The following KCNN3 variants were observed in gnomAD, a reference collection of about 807,000 sequenced individuals.
KCNN3 encodes the protein small conductance calcium-activated potassium channel protein 3.
A neutral mutation model predicts 62.9 loss-of-function variants in KCNN3; 16 were observed. That is an observed-to-expected ratio of 0.25 (90% CI 0.17 to 0.39). The LOEUF (loss-of-function observed/expected upper bound fraction) is 0.39, where lower values mean the gene tolerates loss of function less well. Among genes scored for constraint, KCNN3 ranks in the 10% least tolerant of loss-of-function variants. The probability of loss-of-function intolerance (pLI) is 1.00; values close to 1 mark genes in which losing one functional copy is unlikely to be tolerated. For synonymous variants in KCNN3, 370 were observed against 389.2 expected (o/e 0.95, Z 0.58); for missense variants, 599 against 949.4 (o/e 0.63, Z 4.85).
rs886979222 is a variant in KCNN3 at position 154,760,873 on chromosome 1, C to G, written c.1448+11102G>C. On this transcript the variant is annotated intron_variant, in intron 3 of 7. Transcript: ENST00000271915. ...GCGCGCCCGCGAAGAAGCACTCCGG[C>G]CCCGCAAAGGCGCCCCGCGGCCCTG... Among the ~76,000 whole-genome samples the G allele has an allele frequency of 1.1e-4, 16 of 152,256 alleles. No individual in the cohort carries two copies. In the South Asian group the frequency reaches 1.2e-3, roughly 12 times the overall value.
chr1:154,793,928 C>G (rs1007212628), intron 2 of KCNN3, among the ~76,000 whole-genome samples: 1 of 152,178 alleles, frequency 6.6e-6, no homozygotes, highest in African/African-American at 2.4e-5. Context: ...TCCTTTCCCC[C>G]ATGCATGCCT....
At chr1:154,861,455 A>G (rs1194348646) in intron 1 of KCNN3, among the ~76,000 whole-genome samples, 2 of 151,860 alleles carry the variant, frequency 1.3e-5, no homozygotes, top group Non-Finnish European at 1.5e-5. Context: ...TTTCCTCCCT[A>G]CATGCCCCTG....
chr1:154,808,202 T>C (rs925184503), intron 2 of KCNN3, among the ~76,000 whole-genome samples: 8 of 152,218 alleles, frequency 5.3e-5, no homozygotes, highest in Non-Finnish European at 1.2e-4. Flanking sequence ...ACTACCATTT[T>C]AGACCTGGGT....
At chr1:154,714,265 G>T (rs796806578) in intron 6 of KCNN3, among the ~76,000 whole-genome samples, 1 of 58,482 alleles carries the variant, frequency 1.7e-5, no homozygotes, top group Non-Finnish European at 3.4e-5. Context: ...TGTGATGTGT[G>T]GTATGTGGTG....
intron 1 of KCNN3, among the ~76,000 whole-genome samples, chr1:154,828,489 G>T (rs1025125233): frequency 2.6e-5 from 4 of 152,174 alleles, no homozygotes; most frequent in East Asian, 3.9e-4. Context: ...GTCATGGGGG[G>T]GCTAACGAAG....
chr1:154,708,178 T>A lies in KCNN3; in HGVS notation c.1994A>T (p.His665Leu). 1.2e-6 allele frequency: 2 copies of A among 1,613,678 alleles called. No homozygotes were observed. The highest frequency in any genetic ancestry group is 8.5e-7 in the Non-Finnish European group (1 of 1,179,924). The change falls in exon 8 of 8, where the codon CAT becomes CTT. Residue 665 changes from histidine (H) to leucine (L), a missense_variant. This residue lies in a region of KCNN3 where 288 missense variants were observed against 557.4 expected (regional missense o/e 0.52). Transcript: ENST00000271915. The stretch of plus-strand genomic sequence containing the variant: ...CAGGGAGTTGAAGCTGGCGGTGAGA[T>A]GCTCCAGCTTCGACTCCAGGCTGCC... ...QIGSLESKLEHLTASFNSLPL... is the reference protein window; with the variant it reads ...QIGSLESKLELLTASFNSLPL...
intron 3 of KCNN3, among the ~76,000 whole-genome samples, chr1:154,755,558 GA>G (rs1571242176): frequency 8.8e-6 from 1 of 113,626 alleles, no homozygotes; most frequent in South Asian, 3.4e-4. Context: ...AAGGAAGAAA[GA>G]AAGAAAGAGA....
intron 3 of KCNN3, among the ~76,000 whole-genome samples, chr1:154,766,021 CT>C (rs1648253924): frequency 6.6e-6 from 1 of 151,996 alleles, no homozygotes; most frequent in South Asian, 2.1e-4. Context: ...GATTATTTTC[CT>C]CTTCCTTAAT....
intron 3 of KCNN3, among the ~76,000 whole-genome samples, chr1:154,734,101 C>T (rs1022681659): frequency 2.0e-5 from 3 of 152,278 alleles, no homozygotes; most frequent in Admixed American, 6.5e-5. Flanking sequence ...CCCAGAGGAA[C>T]GGGTGCTCTG....
At chr1:154,812,251 T>C (rs771724139) in intron 2 of KCNN3, among the ~76,000 whole-genome samples, 1 of 152,184 alleles carries the variant, frequency 6.6e-6, no homozygotes, top group African/African-American at 2.4e-5. Flanking sequence ...AGAAACAGAA[T>C]ATTCTTTTTT....
intron 3 of KCNN3, among the ~76,000 whole-genome samples, chr1:154,764,097 C>A (rs548434796): frequency 1.3e-5 from 2 of 152,274 alleles, no homozygotes; most frequent in South Asian, 4.1e-4. Flanking sequence ...GTTCTAGGTA[C>A]TTCTTTTGTA....
intron 2 of KCNN3, among the ~76,000 whole-genome samples, chr1:154,806,785 A>C (rs1183410858): frequency 1.3e-5 from 2 of 152,138 alleles, no homozygotes; most frequent in Admixed American, 6.5e-5. Flanking sequence ...AATAAATCTT[A>C]TGTCAGCTCA....
chr1:154,737,036 C>T lies in KCNN3; in HGVS notation c.1449-3892G>A, dbSNP rs891929187. 3 of 702,110 alleles carry T rather than the reference C, an allele frequency of 4.3e-6. No individual in the cohort carries two copies. In the East Asian group the frequency reaches 8.1e-5, roughly 19 times the overall value. The allele number at this position is 702,110 out of a possible 1,614,324, so 43.5% of individuals were successfully genotyped here. A position where few individuals can be genotyped will look rare whatever the true frequency, so the allele number is the denominator to read the frequency against. On this transcript the variant is annotated intron_variant, in intron 3 of 7. Transcript: ENST00000271915. ...TCGTCATGGAGATAAGACATACATGCAACTCACCAAGCAGGAAGTGATGAG... is the reference window on the plus strand; with the variant it reads ...TCGTCATGGAGATAAGACATACATGTAACTCACCAAGCAGGAAGTGATGAG...
chr1:154,757,880 G>C lies in KCNN3; in HGVS notation c.1448+14095C>G, dbSNP rs566395342. Among the ~76,000 whole-genome samples the C allele has an allele frequency of 9.9e-5, 15 of 152,276 alleles. No homozygotes were observed. In the East Asian group the frequency reaches 2.9e-3, roughly 29 times the overall value. ...TCAGTAGAAAAAGAAATACCTGGCT[G>C]CTTCACTGGGTACTCACCGTGTGCT... is the stretch of plus-strand genomic sequence containing the variant. On this transcript the variant is annotated intron_variant, in intron 3 of 7. Coordinates refer to ENST00000271915, the MANE Select transcript of KCNN3 (RefSeq NM_002249.6).
At chr1:154,735,292 T>C (rs1700687750) in intron 3 of KCNN3, among the ~76,000 whole-genome samples, 1 of 152,174 alleles carries the variant, frequency 6.6e-6, no homozygotes, top group South Asian at 2.1e-4. Context: ...AGCACATCAA[T>C]GGTGGGCTCT....
Position 154,808,024 on chromosome 1 carries a change from G to A in KCNN3, c.1029+14065C>T, listed in dbSNP as rs555943399. On this transcript the variant is annotated intron_variant, in intron 2 of 7. Coordinates refer to ENST00000271915, the MANE Select transcript of KCNN3 (RefSeq NM_002249.6). ...TCAACCTGTACCATAATCTACACCCGTCTCCCATCCCCATTCTTACCTCTC... is the reference window on the plus strand; with the variant it reads ...TCAACCTGTACCATAATCTACACCCATCTCCCATCCCCATTCTTACCTCTC... 5.8e-4 allele frequency among the ~76,000 whole-genome samples: 88 copies of A among 152,156 alleles called. 1 individual carries two copies. The highest frequency in any genetic ancestry group is 1.9e-3 in the Admixed American group (29 of 15,298).
intron 1 of KCNN3, among the ~76,000 whole-genome samples, chr1:154,851,066 CT>C (rs1652280523): frequency 6.6e-6 from 1 of 152,166 alleles, no homozygotes; most frequent in Non-Finnish European, 1.5e-5. Context: ...CAACCTCCGC[CT>C]TCCCGGGTTC....
intron 2 of KCNN3, among the ~76,000 whole-genome samples, chr1:154,780,521 C>A (rs898422566): frequency 1.1e-4 from 17 of 148,600 alleles, no homozygotes; most frequent in African/African-American, 4.2e-4. Flanking sequence ...TTTAAAAAAA[C>A]GACACAGAAA....
At chr1:154,848,403 C>T (rs1324595900) in intron 1 of KCNN3, among the ~76,000 whole-genome samples, 4 of 152,148 alleles carry the variant, frequency 2.6e-5, no homozygotes, top group East Asian at 1.9e-4. Context: ...TCACAACTAT[C>T]GCAGTAACAC....
Sources: allele counts gnomAD v4.1 joint callset (sites outside exome capture counted in the v4.1 genomes callset), GRCh38; gene constraint gnomAD v4.1.1; regional missense constraint gnomAD v4.1.1; transcripts MANE v1.5; gene names NCBI Gene and HGNC (gene_info 2026-07-23, HGNC 2026-07-21).